Variants in NFS1 observed in about 807,000 individuals in gnomAD.
NFS1 encodes the protein NFS1 cysteine desulfurase, also known as cysteine desulfurase.
In NFS1, 26 loss-of-function variants were observed where a neutral mutation model predicts 57.3. The observed-to-expected ratio is 0.45, with a 90% CI of 0.33 to 0.63. NFS1 has a LOEUF of 0.63. Among genes scored for constraint, NFS1 ranks in the 20% least tolerant of loss-of-function variants. The probability of loss-of-function intolerance (pLI) is 0.02; values close to 1 mark genes in which losing one functional copy is unlikely to be tolerated. For missense variants in NFS1, 505 were observed against 605.8 expected (o/e 0.83, Z 1.75); for synonymous variants, 209 against 216.3 (o/e 0.97, Z 0.30).
chr20:35,691,458 C>T (rs2035038244), intron 4 of NFS1, among the ~76,000 whole-genome samples: 1 of 150,308 alleles, frequency 6.7e-6, no homozygotes. Flanking sequence ...AAAAAAAAAG[C>T]GGCCAGGTGC....
At chr20:35,682,272 G>T (rs796157758) in intron 5 of NFS1, among the ~76,000 whole-genome samples, 8 of 152,262 alleles carry the variant, frequency 5.3e-5, no homozygotes, top group African/African-American at 1.9e-4. Context: ...CTGTACACTT[G>T]GGCATTTATC....
intron 4 of NFS1, among the ~76,000 whole-genome samples, chr20:35,691,654 T>C (rs951101496): frequency 3.7e-5 from 5 of 136,600 alleles, no homozygotes; most frequent in Non-Finnish European, 7.5e-5. Context: ...GGGAGGGGAA[T>C]CACTTGAAAT....
At chr20:35,683,552 G>A (rs528731519) in intron 5 of NFS1, among the ~76,000 whole-genome samples, 41 of 151,548 alleles carry the variant, frequency 2.7e-4, no homozygotes, top group Admixed American at 1.9e-3. Context: ...AGGCTGAGGC[G>A]GGCGTATCAC....
At chr20:35,687,415 C>CCT (rs141567718) in intron 5 of NFS1, among the ~76,000 whole-genome samples, 2,461 of 147,950 alleles carry the variant, frequency 0.017, 51 homozygotes, top group African/African-American at 0.053. Flanking sequence ...CTCTCTCTCT[C>CCT]CTCTCTCTCT....
Position 35,698,596 on chromosome 20 carries a change from A to G in NFS1, c.98-6T>C, listed in dbSNP as rs756888255. The G allele has an allele frequency of 1.3e-6, 2 of 1,592,354 alleles. No homozygotes were observed. The highest frequency in any genetic ancestry group is 1.4e-5 in the African/African-American group (1 of 73,432). ...CTGAGGAGCACGGTCTCCAACTGAT[A>G]AAAAATGGAACGGAGTAGCCAAGTA... On this transcript the variant is annotated splice_polypyrimidine_tract_variant and splice_region_variant and intron_variant, in intron 1 of 12. Transcript: ENST00000374092.
chr20:35,678,664 C>T (rs1265264413), intron 7 of NFS1, among the ~76,000 whole-genome samples: 3 of 151,772 alleles, frequency 2.0e-5, no homozygotes, highest in South Asian at 2.1e-4. Flanking sequence ...GATCACACCA[C>T]TGCACTCCAG....
chr20:35,680,789 G>A lies in NFS1; in HGVS notation c.738C>T (p.Asp246=), dbSNP rs150130004. 1.3e-5 allele frequency: 20 copies of A among 1,578,742 alleles called. No individual in the cohort carries two copies. The African/African-American group carries it at 2.6e-4, about 20-fold the overall frequency. The part of the protein sequence containing the change: ...AVGKIPLDVN[D]MKIDLMSISG... ...TAATGCTCATGAGATCAATTTTCAT[G>A]TCATTGACATCAAGTGGGATTTTTC... The change falls in exon 7 of 13, where the codon GAC becomes GAT. Residue 246 remains aspartate, a synonymous_variant. Transcript: ENST00000374092.
rs2034679361 is a variant in NFS1 at position 35,672,819 on chromosome 20, C to G, written c.1246G>C (p.Glu416Gln). 1 of 1,611,254 alleles carries G rather than the reference C, an allele frequency of 6.2e-7. No homozygotes were observed. The highest frequency in any genetic ancestry group is 8.5e-7 in the Non-Finnish European group (1 of 1,178,788). ...IRFGIGRFTT[E>Q]EEVDYTVEKC... ...TCCACTGTGTAGTCCACTTCCTCCT[C>G]TGTAGTGAAGCGGCCAATTCCAAAC... The change falls in exon 12 of 13, where the codon GAG becomes CAG. Residue 416 changes from glutamate (E) to glutamine (Q), a missense_variant. Glu to Gln is a conservative substitution (Grantham distance 29, BLOSUM62 2). Coordinates refer to ENST00000374092, the MANE Select transcript of NFS1 (RefSeq NM_021100.5).
At chr20:35,674,856 TA>T in intron 8 of NFS1, 188 bp downstream of exon 8, 1 of 758,610 alleles carries the variant, frequency 1.3e-6, no homozygotes, top group Non-Finnish European at 2.1e-6. Context: ...TGATAACTAC[TA>T]AAAGGCCATG....
At chr20:35,688,733 G>C (rs1223428486) in intron 5 of NFS1, among the ~76,000 whole-genome samples, 1 of 150,884 alleles carries the variant, frequency 6.6e-6, no homozygotes, top group African/African-American at 2.4e-5. Context: ...CAGAGGGAGA[G>C]AGAGAGAGAG....
chr20:35,677,962 C>T (rs1412192724), intron 7 of NFS1, among the ~76,000 whole-genome samples: 6 of 152,058 alleles, frequency 3.9e-5, no homozygotes, highest in African/African-American at 9.7e-5. Context: ...CCTGTAATTC[C>T]GGCACTTTGG....
At chr20:35,695,770 G>A (rs1055314298) in intron 4 of NFS1, among the ~76,000 whole-genome samples, 2 of 152,008 alleles carry the variant, frequency 1.3e-5, no homozygotes, top group South Asian at 2.1e-4. Context: ...GGCCGGGTAC[G>A]GTGGCTCACA....
At chr20:35,695,704 A>G (rs11907022) in intron 4 of NFS1, among the ~76,000 whole-genome samples, 15,160 of 152,158 alleles carry the variant, frequency 0.1, 1,202 homozygotes, top group African/African-American at 0.21. Flanking sequence ...TGAGAGGAGG[A>G]CAGCCCTGAA....
intron 11 of NFS1, among the ~76,000 whole-genome samples, 196 bp downstream of exon 11, chr20:35,673,405 A>G (rs555460026): frequency 6.6e-6 from 1 of 152,338 alleles, no homozygotes; most frequent in Non-Finnish European, 1.5e-5. Context: ...CTCAGATATC[A>G]TATTTCACAA....
At chr20:35,673,486 G>A in intron 11 of NFS1, 115 bp downstream of exon 11, 1 of 794,634 alleles carries the variant, frequency 1.3e-6, no homozygotes, top group South Asian at 1.6e-5. Flanking sequence ...TATGAGAAGA[G>A]ATAAGGAGAA....
intron 5 of NFS1, among the ~76,000 whole-genome samples, chr20:35,684,524 G>A (rs1251643611): frequency 6.6e-6 from 1 of 151,798 alleles, no homozygotes; most frequent in East Asian, 1.9e-4. Flanking sequence ...GCTGAAATAG[G>A]TGGATCATTT....
intron 7 of NFS1, chr20:35,675,442 C>CA: frequency 1.8e-6 from 1 of 566,076 alleles, no homozygotes; most frequent in Non-Finnish European, 3.1e-6. Context: ...AAGTAGCTCC[C>CA]TATGCTATAT....
At chr20:35,672,907 C>T (rs779447061) in intron 11 of NFS1, 63 bp from the exon 12 acceptor site, 11 of 911,164 alleles carry the variant, frequency 1.2e-5, no homozygotes, top group South Asian at 4.7e-5. Flanking sequence ...AAATTCATTC[C>T]GCAAATACTC....
chr20:35,674,422 T>G lies in NFS1; in HGVS notation c.1064A>C (p.Asn355Thr), dbSNP rs1278619412. Reference protein sequence around the residue: ...DPKHHYPGCINLSFAYVEGES... With the variant: ...DPKHHYPGCITLSFAYVEGES... ...CCCTTCCACATATGCAAAGGAGAGG[T>G]TGATACAGCCTGGAGGAAAGAAATA... The change falls in exon 10 of 13, where the codon AAC becomes ACC. Residue 355 changes from asparagine (N) to threonine (T), a missense_variant. Physicochemically the swap from Asn to Thr is moderately conservative, Grantham distance 65. Coordinates refer to ENST00000374092, the MANE Select transcript of NFS1 (RefSeq NM_021100.5). 6.2e-7 allele frequency: 1 copy of G among 1,613,862 alleles called. No individual in the cohort carries two copies. The highest frequency in any genetic ancestry group is 8.5e-7 in the Non-Finnish European group (1 of 1,179,956).
Sources: allele counts gnomAD v4.1 joint callset (sites outside exome capture counted in the v4.1 genomes callset), GRCh38; gene constraint gnomAD v4.1.1; transcripts MANE v1.5; gene names NCBI Gene and HGNC (gene_info 2026-07-23, HGNC 2026-07-21).